The following TMEM178B variants were observed in gnomAD, a reference collection of about 807,000 sequenced individuals.
TMEM178B encodes the protein transmembrane protein 178B.
TMEM178B carries 5 observed loss-of-function variants against 31.0 expected under a neutral mutation model. That is an observed-to-expected ratio of 0.16 (90% CI 0.08 to 0.34). The LOEUF (loss-of-function observed/expected upper bound fraction) is 0.34, where lower values mean the gene tolerates loss of function less well. Among genes scored for constraint, TMEM178B ranks in the 10% least tolerant of loss-of-function variants. TMEM178B has a pLI of 1.00. For synonymous variants in TMEM178B, 164 were observed against 164.0 expected, an observed-to-expected ratio of 1.00 and a Z score of 0.00; for missense variants, 275 against 400.3, an observed-to-expected ratio of 0.69 and a Z score of 2.67.
intron 2 of TMEM178B, among the ~76,000 whole-genome samples, chr7:141,369,315 A>ATGTG (rs1563163875): frequency 5.0e-4 from 54 of 108,866 alleles, no homozygotes; most frequent in African/African-American, 1.9e-3. Flanking sequence ...CTCCGCGCCG[A>ATGTG]CGTGTGTGTG....
intron 1 of TMEM178B, among the ~76,000 whole-genome samples, chr7:141,201,779 G>C (rs552321867): frequency 6.6e-6 from 1 of 152,156 alleles, no homozygotes; most frequent in African/African-American, 2.4e-5. Context: ...TCTCCAGCTT[G>C]TTAAGGGAGC....
At chr7:141,311,752 C>G (rs1194118130) in intron 2 of TMEM178B, among the ~76,000 whole-genome samples, 2 of 152,132 alleles carry the variant, frequency 1.3e-5, no homozygotes, top group Non-Finnish European at 2.9e-5. Flanking sequence ...CGAGGTGAAA[C>G]AGTTTAGGAA....
chr7:141,396,324 G>A (rs551215058), intron 2 of TMEM178B, among the ~76,000 whole-genome samples: 1 of 152,324 alleles, frequency 6.6e-6, no homozygotes, highest in Non-Finnish European at 1.5e-5. Context: ...TGTTAAAAGA[G>A]GCAAATACCC....
chr7:141,238,281 T>C (rs1266171812), intron 2 of TMEM178B, among the ~76,000 whole-genome samples: 4 of 152,126 alleles, frequency 2.6e-5, no homozygotes, highest in Admixed American at 2.0e-4. Flanking sequence ...AAGGTCTCAC[T>C]TCTCTATGGA....
intron 2 of TMEM178B, among the ~76,000 whole-genome samples, chr7:141,435,538 C>G (rs1472259510): frequency 6.6e-6 from 1 of 152,142 alleles, no homozygotes; most frequent in Non-Finnish European, 1.5e-5. Context: ...AAAGCAGGGA[C>G]TAAGGTATAG....
chr7:141,292,632 A>ACC (rs1798565270), intron 2 of TMEM178B, among the ~76,000 whole-genome samples: 2 of 112,484 alleles, frequency 1.8e-5, no homozygotes, highest in African/African-American at 3.1e-5. Context: ...TTGCTTTTAG[A>ACC]TCTTTTTTTT....
intron 1 of TMEM178B, among the ~76,000 whole-genome samples, chr7:141,122,175 T>C (rs566991218): frequency 6.6e-6 from 1 of 152,024 alleles, no homozygotes; most frequent in South Asian, 2.1e-4. Flanking sequence ...AATAAATAAA[T>C]AAGACTTTTG....
the TMEM178B span, among the ~76,000 whole-genome samples, chr7:141,508,561 T>G: frequency 1.3e-5 from 2 of 152,186 alleles, no homozygotes; most frequent in Admixed American, 6.5e-5. Context: ...TTCACCCTGC[T>G]GATAAAGACA....
At chr7:141,299,941 T>C (rs1004886025) in intron 2 of TMEM178B, among the ~76,000 whole-genome samples, 2 of 152,128 alleles carry the variant, frequency 1.3e-5, no homozygotes, top group African/African-American at 4.8e-5. Context: ...TGTGTCATCA[T>C]GTCTGGCTAA....
intron 1 of TMEM178B, among the ~76,000 whole-genome samples, chr7:141,197,461 TA>T (rs1238680526): frequency 6.6e-6 from 1 of 152,210 alleles, no homozygotes; most frequent in Admixed American, 6.5e-5. Context: ...TCATTGCAAC[TA>T]GGGAGTCAGG....
chr7:141,225,471 C>T (rs574912363), intron 2 of TMEM178B, among the ~76,000 whole-genome samples: 1 of 152,022 alleles, frequency 6.6e-6, no homozygotes, highest in Non-Finnish European at 1.5e-5. Flanking sequence ...TATAGTACTT[C>T]ATTGACATTA....
At chr7:141,172,130 T>C (rs1198602723) in intron 1 of TMEM178B, among the ~76,000 whole-genome samples, 1 of 152,162 alleles carries the variant, frequency 6.6e-6, no homozygotes, top group Non-Finnish European at 1.5e-5. Context: ...TTCCCCAAGG[T>C]TACAGAGTTG....
intron 1 of TMEM178B, among the ~76,000 whole-genome samples, chr7:141,091,293 A>G (rs1563085008): frequency 1.3e-5 from 2 of 152,212 alleles, no homozygotes; most frequent in Admixed American, 1.3e-4. Context: ...AATGAGTTAT[A>G]CAGTAATTCA....
chr7:141,268,535 C>T (rs2107943), intron 2 of TMEM178B, among the ~76,000 whole-genome samples: 65,709 of 152,092 alleles, frequency 0.43, 14,433 homozygotes, highest in East Asian at 0.67. Flanking sequence ...CTATAGACAT[C>T]TGAACTGGTT....
chr7:141,495,326 C>T, the TMEM178B span, among the ~76,000 whole-genome samples: 1 of 152,180 alleles, frequency 6.6e-6, no homozygotes, highest in Non-Finnish European at 1.5e-5. Flanking sequence ...AAAGCACAAC[C>T]GTGCTCTCAT....
intron 1 of TMEM178B, among the ~76,000 whole-genome samples, chr7:141,109,412 C>T (rs952201363): frequency 8.6e-5 from 13 of 151,910 alleles, no homozygotes; most frequent in African/African-American, 3.1e-4. Flanking sequence ...GAGTGTGACA[C>T]GTGAAATTGT....
At chr7:141,487,224 C>T in the TMEM178B span, among the ~76,000 whole-genome samples, 11 of 152,064 alleles carry the variant, frequency 7.2e-5, no homozygotes, top group African/African-American at 2.4e-4. Context: ...AAGAGACGGA[C>T]CTACCAAGGG....
intron 2 of TMEM178B, among the ~76,000 whole-genome samples, chr7:141,389,884 T>C (rs553715132): frequency 1.1e-4 from 16 of 152,160 alleles, no homozygotes; most frequent in Non-Finnish European, 1.9e-4. Flanking sequence ...ACCTCGAAGG[T>C]CTGCCTGGGA....
chr7:141,309,742 ATAATGCTAACTGACTATAT>A (rs1188243917), intron 2 of TMEM178B, among the ~76,000 whole-genome samples: 3 of 152,212 alleles, frequency 2.0e-5, no homozygotes, highest in Non-Finnish European at 4.4e-5. Flanking sequence ...ACTACTATAA[ATAATGCTAACTGACTATAT>A]TTGCACACAG....
Sources: allele counts gnomAD v4.1 joint callset (sites outside exome capture counted in the v4.1 genomes callset), GRCh38; gene constraint gnomAD v4.1.1; transcripts MANE v1.5; gene names NCBI Gene and HGNC (gene_info 2026-07-23, HGNC 2026-07-21).